ABI2: variants seen among roughly 807,000 people sequenced by gnomAD.
ABI2 encodes the protein abl interactor 2.
A neutral mutation model predicts 59.2 loss-of-function variants in ABI2; 25 were observed. The observed-to-expected ratio is 0.42, with a 90% CI of 0.31 to 0.59. The LOEUF is 0.59. Among genes scored for constraint, ABI2 ranks in the 20% least tolerant of loss-of-function variants. ABI2 has a pLI of 0.14. For synonymous variants in ABI2, 213 were observed against 235.5 expected (o/e 0.90, Z 0.87); for missense variants, 545 against 681.8 (o/e 0.80, Z 2.23).
intron 1 of ABI2, among the ~76,000 whole-genome samples, chr2:203,346,623 C>T (rs1286577525): frequency 6.6e-6 from 1 of 152,222 alleles, no homozygotes. Context: ...CCACATTTAA[C>T]TCTAGGGAGT....
intron 2 of ABI2, chr2:203,376,198 C>T: frequency 8.2e-7 from 1 of 1,222,556 alleles, no homozygotes. Flanking sequence ...AAGTTTTGCC[C>T]CCAAGGGGAC....
intron 9 of ABI2, 42 bp from the exon 10 acceptor site, chr2:203,411,243 C>T (rs773300888): frequency 1.8e-5 from 25 of 1,413,426 alleles, no homozygotes; most frequent in Non-Finnish European, 2.4e-5. Context: ...TAATGTAACT[C>T]GCCCTTATCC....
At chr2:203,378,677 C>T (rs1391713582) in intron 2 of ABI2, among the ~76,000 whole-genome samples, 1 of 152,098 alleles carries the variant, frequency 6.6e-6, no homozygotes, top group African/African-American at 2.4e-5. Flanking sequence ...TTCACTGTTA[C>T]TACCAGGTTC....
At chr2:203,347,645 A>G (rs1009420825) in intron 1 of ABI2, among the ~76,000 whole-genome samples, 25 of 152,238 alleles carry the variant, frequency 1.6e-4, no homozygotes, top group Non-Finnish European at 3.4e-4. Flanking sequence ...TAGAAATGAT[A>G]TAAGGATTGA....
chr2:203,391,225 G>A, intron 5 of ABI2, 82 bp downstream of exon 5: 2 of 987,204 alleles, frequency 2.0e-6, no homozygotes, highest in Non-Finnish European at 2.9e-6. Flanking sequence ...ATTATTTTTT[G>A]AATATTTGAA....
At chr2:203,344,514 T>G (rs2081982143) in intron 1 of ABI2, among the ~76,000 whole-genome samples, 1 of 151,912 alleles carries the variant, frequency 6.6e-6, no homozygotes. Context: ...TACAGGCAAC[T>G]GCCGCCACAC....
intron 1 of ABI2, among the ~76,000 whole-genome samples, chr2:203,335,001 G>T (rs1287757449): frequency 6.6e-6 from 1 of 152,112 alleles, no homozygotes; most frequent in Non-Finnish European, 1.5e-5. Flanking sequence ...ATTTTTATGG[G>T]ATTGGTTAAT....
At chr2:203,376,446 CA>C (rs2095684613) in intron 2 of ABI2, among the ~76,000 whole-genome samples, 1 of 152,128 alleles carries the variant, frequency 6.6e-6, no homozygotes, top group Non-Finnish European at 1.5e-5. Context: ...ATCATATAGC[CA>C]AACTAAATTA....
At chr2:203,390,978 A>G (rs901507586) in intron 4 of ABI2, 68 bp from the exon 5 acceptor site, 2 of 1,203,708 alleles carry the variant, frequency 1.7e-6, no homozygotes, top group Non-Finnish European at 2.4e-6. Context: ...GTAGTGTAGC[A>G]TATTATTTCC....
chr2:203,394,991 T>C, intron 6 of ABI2, 145 bp downstream of exon 6: 1 of 909,644 alleles, frequency 1.1e-6, no homozygotes, highest in Non-Finnish European at 1.7e-6. Context: ...CACCTCTCTC[T>C]CCTCATGTTC....
chr2:203,376,238 C>A, intron 2 of ABI2: 3 of 779,196 alleles, frequency 3.9e-6, no homozygotes, highest in Middle Eastern at 2.5e-4. Flanking sequence ...TTTTGGTTGT[C>A]ACATCTCATG....
At chr2:203,360,604 G>A (rs1056279631) in intron 1 of ABI2, among the ~76,000 whole-genome samples, 7 of 152,164 alleles carry the variant, frequency 4.6e-5, no homozygotes, top group Admixed American at 4.6e-4. Context: ...GCAAAATGGA[G>A]AATTTAGATA....
chr2:203,369,756 C>T (rs1033982647), intron 2 of ABI2, among the ~76,000 whole-genome samples: 1 of 152,028 alleles, frequency 6.6e-6, no homozygotes, highest in African/African-American at 2.4e-5. Context: ...GGTAATAGAT[C>T]TGCAATTCTC....
At chr2:203,362,285 T>A (rs1384295809) in intron 1 of ABI2, among the ~76,000 whole-genome samples, 1 of 152,198 alleles carries the variant, frequency 6.6e-6, no homozygotes, top group Non-Finnish European at 1.5e-5. Context: ...TGTTTTTAAT[T>A]ATAAGAGGAA....
intron 7 of ABI2, 77 bp from the exon 8 acceptor site, chr2:203,396,708 A>G: frequency 7.4e-7 from 1 of 1,353,516 alleles, no homozygotes; most frequent in Non-Finnish European, 9.5e-7. Context: ...CTAACATTAA[A>G]TACTCTAATA....
chr2:203,357,029 A>G (rs1455187575), intron 1 of ABI2, among the ~76,000 whole-genome samples: 1 of 131,320 alleles, frequency 7.6e-6, no homozygotes, highest in East Asian at 2.0e-4. Flanking sequence ...AATAATGAGG[A>G]AAGCGTTTTT....
At chr2:203,345,843 G>A (rs1473889287) in intron 1 of ABI2, among the ~76,000 whole-genome samples, 3 of 151,570 alleles carry the variant, frequency 2.0e-5, no homozygotes, top group Non-Finnish European at 4.4e-5. Context: ...ACTGTGCCCA[G>A]CAATATTTTC....
chr2:203,352,934 C>A (rs189352673), intron 1 of ABI2, among the ~76,000 whole-genome samples: 1 of 152,188 alleles, frequency 6.6e-6, no homozygotes, highest in East Asian at 1.9e-4. Flanking sequence ...TATGTTAAAA[C>A]TCTCTATAGT....
intron 10 of ABI2, 90 bp downstream of exon 10, chr2:203,411,461 G>C: frequency 1.0e-6 from 1 of 985,734 alleles, no homozygotes; most frequent in South Asian, 1.5e-5. Flanking sequence ...TTCATTTGCT[G>C]ATACTTCAAC....
Sources: gnomAD v4.1 joint callset for allele counts (sites outside exome capture counted in the v4.1 genomes callset) on GRCh38, gnomAD v4.1.1 for gene constraint, MANE v1.5 for transcripts, NCBI Gene and HGNC (gene_info 2026-07-23, HGNC 2026-07-21) for gene names.